The following FARS2 variants were observed in gnomAD, a reference collection of about 807,000 sequenced individuals.
FARS2 encodes the protein phenylalanyl-tRNA synthetase 2, mitochondrial.
A neutral mutation model predicts 46.4 loss-of-function variants in FARS2; 40 were observed. The ratio of observed to expected loss-of-function variants is 0.86; its 90% confidence interval spans 0.67 to 1.12. FARS2 has a LOEUF of 1.12. Ranked by LOEUF, FARS2 falls within the 50% of genes most tolerant of loss-of-function variation. FARS2 has a pLI of 0.00. For synonymous variants in FARS2, 234 were observed against 214.9 expected (o/e 1.09, Z -0.78); for missense variants, 513 against 567.9 (o/e 0.90, Z 0.98).
intron 1 of FARS2, among the ~76,000 whole-genome samples, chr6:5,323,929 C>T (rs1403283777): frequency 6.6e-6 from 1 of 152,150 alleles, no homozygotes; most frequent in Non-Finnish European, 1.5e-5. Context: ...CAATTATAGC[C>T]CCAAGATAAC....
chr6:5,365,510 A>AATTTTTTTTTT (rs1439314360), intron 1 of FARS2, among the ~76,000 whole-genome samples: 1 of 127,974 alleles, frequency 7.8e-6, no homozygotes, highest in African/African-American at 3.1e-5. Context: ...ATTAAATAAA[A>AATTTTTTTTTT]TTTTTTTTTT....
intron 6 of FARS2, among the ~76,000 whole-genome samples, chr6:5,660,404 G>C (rs1777795257): frequency 6.6e-6 from 1 of 152,168 alleles, no homozygotes; most frequent in Admixed American, 6.5e-5. Flanking sequence ...CCAATACTTT[G>C]GGAGACTGAG....
intron 6 of FARS2, among the ~76,000 whole-genome samples, chr6:5,687,874 T>C (rs570357844): frequency 1.3e-5 from 2 of 152,110 alleles, no homozygotes; most frequent in Non-Finnish European, 2.9e-5. Flanking sequence ...CTTTTATTTC[T>C]TTGAGCAGTG....
intron 3 of FARS2, among the ~76,000 whole-genome samples, chr6:5,413,319 A>G (rs1355672701): frequency 6.6e-6 from 1 of 152,214 alleles, no homozygotes; most frequent in Non-Finnish European, 1.5e-5. Context: ...TGTTAATTAA[A>G]ATAAAATTAT....
At chr6:5,432,422 A>AATATATTATAAATATAATATATAAAAT (rs1763263875) in intron 4 of FARS2, among the ~76,000 whole-genome samples, 2 of 128,742 alleles carry the variant, frequency 1.6e-5, no homozygotes, top group Non-Finnish European at 3.2e-5. Context: ...TATAATATAT[A>AATATATTATAAATATAATATATAAAAT]ATATATTATA....
chr6:5,554,156 C>A (rs1259681683), intron 5 of FARS2, among the ~76,000 whole-genome samples: 2 of 152,174 alleles, frequency 1.3e-5, no homozygotes, highest in Non-Finnish European at 2.9e-5. Context: ...CTCCTTCCTT[C>A]CTTTCTCCCT....
In FARS2 at chr6:5,573,414, G is replaced by A. The variant is rs148451976; in HGVS notation, c.1065+28074G>A. Among the ~76,000 whole-genome samples the A allele has an allele frequency of 1.7e-3, 255 of 152,262 alleles. 3 individuals are homozygous for A. Among genetic ancestry groups the A allele is most frequent in the South Asian group, 5.2e-3 (25 of 4,820 alleles). ...TTTATTGACACACACACACACACGC[G>A]TGCGTGCATATAGACACGTGTGTGT... On this transcript the variant is annotated intron_variant, in intron 5 of 6. Transcript: ENST00000274680.
chr6:5,431,823 G>A (rs891841612), intron 4 of FARS2: 1 of 400,390 alleles, frequency 2.5e-6, no homozygotes, highest in Non-Finnish European at 5.2e-6. Flanking sequence ...TCAGAGCTGT[G>A]AGGTTTCTTT....
intron 2 of FARS2, among the ~76,000 whole-genome samples, chr6:5,378,726 C>CT (rs1234912108): frequency 1.3e-5 from 2 of 152,318 alleles, no homozygotes; most frequent in Non-Finnish European, 2.9e-5. Flanking sequence ...CTAATCTCTT[C>CT]TTTAAAATAT....
At chr6:5,394,776 T>TA (rs149105925) in intron 2 of FARS2, among the ~76,000 whole-genome samples, 146 of 150,638 alleles carry the variant, frequency 9.7e-4, no homozygotes, top group East Asian at 5.6e-3. Flanking sequence ...TGTTTTTTTT[T>TA]AAAAAAAAAG....
chr6:5,626,719 C>CA (rs1195666124), intron 6 of FARS2, among the ~76,000 whole-genome samples: 1 of 152,186 alleles, frequency 6.6e-6, no homozygotes, highest in African/African-American at 2.4e-5. Context: ...GAGATGAGGA[C>CA]AAAATCAACA....
At chr6:5,734,169 C>G (rs1760806463) in intron 6 of FARS2, among the ~76,000 whole-genome samples, 1 of 152,140 alleles carries the variant, frequency 6.6e-6, no homozygotes, top group African/African-American at 2.4e-5. Context: ...TGTGAGAATT[C>G]TAGAAAGCTA....
At chr6:5,447,454 C>CT (rs1353848404) in intron 4 of FARS2, among the ~76,000 whole-genome samples, 4 of 152,188 alleles carry the variant, frequency 2.6e-5, no homozygotes. Context: ...CCACAGCATG[C>CT]TTTTTACCCC....
rs1037821933 is a variant in FARS2 at position 5,690,523 on chromosome 6, G to A, written c.1217+77203G>A. On this transcript the variant is annotated intron_variant, in intron 6 of 6. Transcript: ENST00000274680. ...TTTTCTTTAAGAATGTTGAATATTG[G>A]CCCCCACTCTCTTCTGGCTTGTAGA... 2.7e-5 allele frequency among the ~76,000 whole-genome samples: 4 copies of A among 150,638 alleles called. No homozygotes were observed. In the East Asian group the frequency reaches 5.8e-4, roughly 22 times the overall value.
At chr6:5,399,435 C>A (rs1581991185) in intron 2 of FARS2, among the ~76,000 whole-genome samples, 1 of 152,032 alleles carries the variant, frequency 6.6e-6, no homozygotes, top group African/African-American at 2.4e-5. Context: ...CTTGGCCTCC[C>A]AAAGTGCTGG....
chr6:5,350,308 C>T (rs543375838), intron 1 of FARS2, among the ~76,000 whole-genome samples: 1 of 151,830 alleles, frequency 6.6e-6, no homozygotes, highest in African/African-American at 2.4e-5. Context: ...GTGCCCAGCC[C>T]CAGCAAGATT....
intron 4 of FARS2, among the ~76,000 whole-genome samples, chr6:5,485,007 G>A (rs955183861): frequency 6.6e-6 from 1 of 152,150 alleles, no homozygotes; most frequent in African/African-American, 2.4e-5. Context: ...GCCCTCCCTG[G>A]GCACTCAGTT....
chr6:5,491,719 T>C (rs1767125740), intron 4 of FARS2, among the ~76,000 whole-genome samples: 2 of 152,220 alleles, frequency 1.3e-5, no homozygotes, highest in Non-Finnish European at 2.9e-5. Context: ...TTTGTTTCCA[T>C]TGTAATCTTA....
At chr6:5,527,960 A>G (rs1286582793) in intron 4 of FARS2, among the ~76,000 whole-genome samples, 1 of 152,194 alleles carries the variant, frequency 6.6e-6, no homozygotes, top group Non-Finnish European at 1.5e-5. Context: ...GGCTAGTCAA[A>G]GGGAGATGTA....
Sources: gnomAD v4.1 joint callset for allele counts (sites outside exome capture counted in the v4.1 genomes callset) on GRCh38, gnomAD v4.1.1 for gene constraint, MANE v1.5 for transcripts, NCBI Gene and HGNC (gene_info 2026-07-23, HGNC 2026-07-21) for gene names.